The following TAF6 variants were observed in gnomAD, a reference collection of about 807,000 sequenced individuals.
TAF6 encodes the protein transcription initiation factor TFIID subunit 6.
TAF6 carries 50 observed loss-of-function variants against 73.5 expected under a neutral mutation model. That is an observed-to-expected ratio of 0.68 (90% CI 0.54 to 0.86). TAF6 has a LOEUF of 0.86. Ranked by LOEUF, TAF6 falls within the 40% of genes least tolerant of loss-of-function variation. TAF6 has a pLI of 0.00. For synonymous variants in TAF6, 424 were observed against 376.7 expected, an observed-to-expected ratio of 1.13 and a Z score of -1.45; for missense variants, 768 against 899.5, an observed-to-expected ratio of 0.85 and a Z score of 1.87.
At position 100,110,393 on chromosome 7, in the gene TAF6, G is replaced by A. The variant is rs116196406; in HGVS notation, c.1084-119C>T. ...TTAAGACATTACAATGAGGCCAGAC[G>A]TGGTGGCTCACACCTGTAATCCCAG... On this transcript the variant is annotated intron_variant, in intron 10 of 14. Coordinates refer to ENST00000453269, the MANE Select transcript of TAF6 (RefSeq NM_139315.3). 2,087 of 1,152,432 alleles carry A rather than the reference G, an allele frequency of 1.8e-3. 27 individuals are homozygous for A. The African/African-American group carries it at 0.029, about 16-fold the overall frequency. The allele number at this position is 1,152,432 out of a possible 1,614,324, so 71.4% of individuals were successfully genotyped here. A position where few individuals can be genotyped will look rare whatever the true frequency, so the allele number is the denominator to read the frequency against.
the TAF6 span, chr7:100,126,693 C>T: frequency 6.6e-6 from 1 of 152,438 alleles, no homozygotes; most frequent in Non-Finnish European, 1.5e-5. Flanking sequence ...TCTGTGGTCC[C>T]AGATACTCGG....
chr7:100,119,951 C>T (rs1376877057), upstream of TAF6: 3 of 1,217,868 alleles, frequency 2.5e-6, no homozygotes, highest in Non-Finnish European at 2.3e-6. Context: ...GGGTGGGTCA[C>T]CCGACCTCCT....
chr7:100,108,637 G>A (rs1054176833), intron 12 of TAF6, 97 bp from the exon 13 acceptor site: 17 of 1,393,662 alleles, frequency 1.2e-5, no homozygotes, highest in Non-Finnish European at 1.3e-5. Context: ...CCTTGGGGAT[G>A]GGGTAAAAAA....
At chr7:100,124,593 TTC>T (rs1238199791), upstream of TAF6, 2 of 1,613,304 alleles carry the variant, frequency 1.2e-6, no homozygotes, top group South Asian at 1.1e-5. Flanking sequence ...CTACAAAATT[TTC>T]TCTGTGAAGG....
chr7:100,108,604 G>A (rs2066432516), intron 12 of TAF6, 64 bp from the exon 13 acceptor site: 2 of 1,501,988 alleles, frequency 1.3e-6, no homozygotes, highest in African/African-American at 1.4e-5. Context: ...TAGAGGGAGG[G>A]CTGGTGACAC....
At chr7:100,110,110 G>C (rs200734823) in intron 11 of TAF6, 37 bp from the exon 12 acceptor site, 1 of 1,613,834 alleles carries the variant, frequency 6.2e-7, no homozygotes, top group Non-Finnish European at 8.5e-7. Flanking sequence ...AAGCCGGAGG[G>C]TCACCAGGGT....
intron 10 of TAF6, 200 bp from the exon 11 acceptor site, chr7:100,110,474 CT>C (rs750502388): frequency 4.7e-5 from 23 of 490,840 alleles, no homozygotes; most frequent in East Asian, 3.8e-4. Flanking sequence ...CCAGACCACC[CT>C]AGTCAACATG....
intron 1 of TAF6, chr7:100,118,797 T>C (rs551176264): frequency 5.2e-6 from 5 of 962,780 alleles, no homozygotes; most frequent in African/African-American, 1.8e-5. Context: ...GAAAAACAAA[T>C]TGGTTCTTTT....
chr7:100,122,048 T>TCAAA, upstream of TAF6: 1 of 309,978 alleles, frequency 3.2e-6, no homozygotes, highest in South Asian at 2.4e-5. Flanking sequence ...AGAGTCCGTC[T>TCAAA]GAAAAAAAAA....
intron 1 of TAF6, among the ~76,000 whole-genome samples, chr7:100,116,246 G>A (rs189965804): frequency 1.3e-5 from 2 of 152,148 alleles, no homozygotes; most frequent in East Asian, 1.9e-4. Context: ...GGCAGGTGCA[G>A]TGGCTCAGCT....
intron 1 of TAF6, chr7:100,114,518 G>A (rs1421879018): frequency 1.0e-5 from 6 of 601,786 alleles, no homozygotes; most frequent in Admixed American, 2.9e-5. Context: ...TCAGGAATTC[G>A]AGACCAGCCT....
At chr7:100,122,714 G>A, upstream of TAF6, 1 of 1,557,006 alleles carries the variant, frequency 6.4e-7, no homozygotes, top group South Asian at 1.2e-5. Flanking sequence ...TGACAAAACT[G>A]AAATGGCAGA....
chr7:100,122,688 T>G (rs1798108423), upstream of TAF6: 7 of 1,536,982 alleles, frequency 4.6e-6, no homozygotes, highest in Non-Finnish European at 6.2e-6. Context: ...GAACTCACCC[T>G]TGAATCTCCA....
Position 100,114,183 on chromosome 7 carries a change from A to G in TAF6, c.27T>C (p.Leu9=). 1 of 1,614,226 alleles carries G rather than the reference A, an allele frequency of 6.2e-7. No individual in the cohort carries two copies. The highest frequency in any genetic ancestry group is 8.5e-7 in the Non-Finnish European group (1 of 1,180,044). Residue 9 remains leucine (L), a synonymous_variant, in exon 2 of 15, where the codon CTT becomes CTC. Transcript: ENST00000453269. ...ACTCCGAGGGCAGCACAGTGTTGCTAAGCTTCAGCTTCTTCTCCTCAGCCA... is the reference window on the plus strand; with the variant it reads ...ACTCCGAGGGCAGCACAGTGTTGCTGAGCTTCAGCTTCTTCTCCTCAGCCA... MAEEKKLK[L]SNTVLPSESM... is the part of the protein sequence containing the mutation.
chr7:100,107,501 G>C lies in TAF6; in HGVS notation c.1779C>G (p.Pro593=). The C allele has an allele frequency of 6.2e-7, 1 of 1,614,036 alleles. No individual in the cohort carries two copies. The highest frequency in any genetic ancestry group is 8.5e-7 in the Non-Finnish European group (1 of 1,179,974). Residue 593 remains proline (P), a synonymous_variant, in exon 15 of 15, where the codon CCC becomes CCG. Coordinates refer to ENST00000453269, the MANE Select transcript of TAF6 (RefSeq NM_139315.3). ...KLVSTATTAP[P]STAPSGPGSV... ...TCCCAGGACCAGAGGGAGCAGTGCT[G>C]GGGGGTGCGGTGGTGGCGGTGGAGA...
intron 1 of TAF6, among the ~76,000 whole-genome samples, chr7:100,116,061 CA>C (rs1380690837): frequency 2.6e-5 from 4 of 152,260 alleles, no homozygotes; most frequent in African/African-American, 9.6e-5. Context: ...TGGGTAACTC[CA>C]AAAACCTCCT....
intron 1 of TAF6, among the ~76,000 whole-genome samples, chr7:100,114,932 T>TA (rs1797551159): frequency 6.6e-6 from 1 of 152,244 alleles, no homozygotes; most frequent in Non-Finnish European, 1.5e-5. Context: ...GGAAAACTGA[T>TA]AGAGCCCAGG....
chr7:100,109,231 T>C (rs1260593749), intron 12 of TAF6, among the ~76,000 whole-genome samples: 1 of 150,724 alleles, frequency 6.6e-6, no homozygotes, highest in Non-Finnish European at 1.5e-5. Context: ...GGCTGAGGCA[T>C]GAGAATTGCT....
chr7:100,120,659 T>G (rs1296948827), upstream of TAF6, among the ~76,000 whole-genome samples: 1 of 152,216 alleles, frequency 6.6e-6, no homozygotes, highest in Non-Finnish European at 1.5e-5. Context: ...TCCCCTGACC[T>G]GTCAATCTTT....
Sources: gnomAD v4.1 joint callset for allele counts (sites outside exome capture counted in the v4.1 genomes callset) on GRCh38, gnomAD v4.1.1 for gene constraint, MANE v1.5 for transcripts, NCBI Gene and HGNC (gene_info 2026-07-23, HGNC 2026-07-21) for gene names.